The following PODXL variants were observed in gnomAD, a reference collection of about 807,000 sequenced individuals.
The protein encoded by PODXL is podocalyxin.
PODXL carries 20 observed loss-of-function variants against 48.9 expected under a neutral mutation model. The ratio of observed to expected loss-of-function variants is 0.41; its 90% CI spans 0.29 to 0.59. The LOEUF is 0.59. Ranked by LOEUF, PODXL falls within the 20% of genes least tolerant of loss-of-function variation. The probability of loss-of-function intolerance (pLI) is 0.31; values close to 1 mark genes in which losing one functional copy is unlikely to be tolerated. For missense variants in PODXL, 606 were observed against 675.1 expected (o/e 0.90, Z 1.13); for synonymous variants, 295 against 287.4 (o/e 1.03, Z -0.27).
chr7:131,524,571 A>G (rs577573276), intron 1 of PODXL, among the ~76,000 whole-genome samples: 5 of 152,222 alleles, frequency 3.3e-5, no homozygotes, highest in Admixed American at 6.5e-5. Flanking sequence ...ATGCAGCACC[A>G]TTACATACCT....
At position 131,505,953 on chromosome 7, in the gene PODXL, G is replaced by C; in HGVS notation, c.1394C>G (p.Thr465Ser). The change falls in exon 8 of 9, where the codon ACC (threonine) becomes AGC (serine). Residue 465 changes from threonine to serine, a missense_variant. Thr to Ser is a moderately conservative substitution (Grantham distance 58, BLOSUM62 1). Coordinates refer to ENST00000378555, the MANE Select transcript of PODXL (RefSeq NM_001018111.3). ...EDRFSMPLII[T>S]IVCMASFLLL... ...CAGGAATGATGCCATGCAGACGATG[G>C]TGATGATGAGGGGCATGCTGAAGCG... 1 of 1,608,302 alleles carries C rather than the reference G, an allele frequency of 6.2e-7. No individual in the cohort carries two copies.
Position 131,518,927 on chromosome 7 carries a change from C to T in PODXL, c.101-7494G>A, listed in dbSNP as rs549613120. 3.9e-5 allele frequency among the ~76,000 whole-genome samples: 6 copies of T among 152,244 alleles called. No individual in the cohort carries two copies. The South Asian group carries it at 6.2e-4, about 16-fold the overall frequency. On this transcript the variant is annotated intron_variant, in intron 1 of 8. Coordinates refer to ENST00000378555, the MANE Select transcript of PODXL (RefSeq NM_001018111.3). The stretch of plus-strand genomic sequence containing the variant: ...TGATTACCCAGAGCCTTTCTCTAGA[C>T]GCAGGCAAATATCCTCACACTCCAG...
intron 1 of PODXL, among the ~76,000 whole-genome samples, chr7:131,534,425 C>T (rs1203632531): frequency 6.6e-6 from 1 of 152,240 alleles, no homozygotes; most frequent in Non-Finnish European, 1.5e-5. Flanking sequence ...TGACCCCGCA[C>T]CCCATCCTGG....
intron 1 of PODXL, among the ~76,000 whole-genome samples, chr7:131,542,371 G>T: frequency 6.6e-6 from 1 of 152,186 alleles, no homozygotes; most frequent in South Asian, 2.1e-4. Context: ...AAAGTGGAAG[G>T]GAGGCTGGCT....
chr7:131,529,364 C>T (rs563679364), intron 1 of PODXL, among the ~76,000 whole-genome samples: 1 of 152,236 alleles, frequency 6.6e-6, no homozygotes, highest in East Asian at 1.9e-4. Flanking sequence ...AGTCTGCTCC[C>T]CTGGGGTGGG....
intron 4 of PODXL, 42 bp downstream of exon 4, chr7:131,509,323 G>C (rs370650927): frequency 6.8e-7 from 1 of 1,465,572 alleles, no homozygotes; most frequent in Admixed American, 1.7e-5. Flanking sequence ...TCTTCTACCC[G>C]AGTCTGGGTT....
At chr7:131,506,220 T>C (rs565616947) in intron 7 of PODXL, 40 bp downstream of exon 7, 1 of 1,606,614 alleles carries the variant, frequency 6.2e-7, no homozygotes. Context: ...CACAAGGGGC[T>C]TCGGAGCCAC....
chr7:131,534,203 G>A (rs1798329416), intron 1 of PODXL, among the ~76,000 whole-genome samples: 1 of 152,176 alleles, frequency 6.6e-6, no homozygotes, highest in South Asian at 2.1e-4. Context: ...CCTTCTCAGT[G>A]AGGCATGGCT....
At chr7:131,536,911 G>A (rs943876831) in intron 1 of PODXL, among the ~76,000 whole-genome samples, 31 of 151,468 alleles carry the variant, frequency 2.0e-4, no homozygotes, top group Non-Finnish European at 3.1e-4. Context: ...GATCACTTGA[G>A]ATCAGGAGTT....
intron 3 of PODXL, 147 bp from the exon 4 acceptor site, chr7:131,509,732 G>A: frequency 1.9e-6 from 1 of 532,844 alleles, no homozygotes; most frequent in Non-Finnish European, 3.2e-6. Flanking sequence ...TGACAAGCCA[G>A]TGGAATAACC....
At chr7:131,538,521 C>T (rs1798421289) in intron 1 of PODXL, among the ~76,000 whole-genome samples, 1 of 152,194 alleles carries the variant, frequency 6.6e-6, no homozygotes, top group Non-Finnish European at 1.5e-5. Flanking sequence ...TACCCCCTAA[C>T]AGGACCCAGC....
chr7:131,555,029 C>T (rs992928867), intron 1 of PODXL, among the ~76,000 whole-genome samples: 13 of 152,206 alleles, frequency 8.5e-5, no homozygotes, highest in Admixed American at 2.6e-4. Context: ...AGTCTCCCGC[C>T]GGCCACAGGA....
Position 131,500,866 on chromosome 7 carries a change from AGTCTGT to A in PODXL, c.*3439_*3444del, listed in dbSNP as rs967963302. 1.3e-5 allele frequency: 2 copies of A among 152,204 alleles called. No individual in the cohort carries two copies. Among genetic ancestry groups the A allele is most frequent in the African/African-American group, 4.8e-5 (2 of 41,448 alleles). 9.4% of individuals were successfully genotyped at this position (152,204 alleles called of 1,614,324 possible). On this transcript the variant is annotated 3_prime_UTR_variant, in exon 9 of 9. Transcript: ENST00000378555. ...ACCGATTATTCCTTCTGAGGCGCACAGTCTGTGGATCCAGGTTTTAATCTTGTTTCT... is the reference window on the plus strand; with the variant it reads ...ACCGATTATTCCTTCTGAGGCGCACAGGATCCAGGTTTTAATCTTGTTTCT...
chr7:131,504,906 G>A (rs1797772980), intron 8 of PODXL, among the ~76,000 whole-genome samples: 2 of 152,184 alleles, frequency 1.3e-5, no homozygotes. Context: ...GAGCCCTCAA[G>A]CCTGGGCAGG....
chr7:131,556,424 G>A lies in PODXL; in HGVS notation c.-65C>T. 1 of 1,316,346 alleles carries A rather than the reference G, an allele frequency of 7.6e-7. No homozygotes were observed. The highest frequency in any genetic ancestry group is 2.7e-4 in the Middle Eastern group (1 of 3,698). The allele number at this position is 1,316,346 out of a possible 1,614,324, so 81.5% of individuals were successfully genotyped here. A position where few individuals can be genotyped will look rare whatever the true frequency, so the allele number is the denominator to read the frequency against. ...GCCGGCGGAGGATCCGCGCGTCCGG[G>A]CGGTAGGAGCGTGGGCGCCGCCCGG... On this transcript the variant is annotated 5_prime_UTR_variant, in exon 1 of 9. Coordinates refer to ENST00000378555, the MANE Select transcript of PODXL (RefSeq NM_001018111.3).
chr7:131,536,837 G>A lies in PODXL; in HGVS notation c.100+19423C>T, dbSNP rs914645300. 2.0e-5 allele frequency among the ~76,000 whole-genome samples: 3 copies of A among 152,160 alleles called. No homozygotes were observed. In the South Asian group the frequency reaches 6.2e-4, roughly 32 times the overall value. ...AAGAATTACAGGCATTTAAAAAATG[G>A]CACGTGGCCAGGTGCAGTGGCTTAC... On this transcript the variant is annotated intron_variant, in intron 1 of 8. Transcript: ENST00000378555.
chr7:131,506,117 G>A, intron 7 of PODXL, 82 bp from the exon 8 acceptor site: 2 of 1,553,572 alleles, frequency 1.3e-6, no homozygotes, highest in Non-Finnish European at 1.8e-6. Flanking sequence ...CCCTCCGCTT[G>A]CAGTCTGCTA....
intron 2 of PODXL, 75 bp downstream of exon 2, chr7:131,510,753 A>G (rs1160044463): frequency 3.8e-6 from 6 of 1,571,710 alleles, no homozygotes; most frequent in Non-Finnish European, 5.2e-6. Flanking sequence ...ATTACAAGGC[A>G]TGAGCCTTTT....
chr7:131,505,836 C>A (rs1448423990), intron 8 of PODXL, 32 bp downstream of exon 8: 1 of 1,536,720 alleles, frequency 6.5e-7, no homozygotes, highest in South Asian at 1.2e-5. Context: ...ACCTGGGCTG[C>A]TTCCCCTGTG....
Sources: allele counts gnomAD v4.1 joint callset (sites outside exome capture counted in the v4.1 genomes callset), GRCh38; gene constraint gnomAD v4.1.1; transcripts MANE v1.5; gene names NCBI Gene and HGNC (gene_info 2026-07-23, HGNC 2026-07-21).